Variants in CEP152 observed in about 807,000 individuals in gnomAD.
CEP152 encodes centrosomal protein of 152 kDa.
A neutral mutation model predicts 188.9 loss-of-function variants in CEP152; 132 were observed. The ratio of observed to expected loss-of-function variants is 0.70; its 90% CI spans 0.61 to 0.81. CEP152 has a LOEUF of 0.81. CEP152 is among the 30% of genes least tolerant of loss of function. CEP152 has a pLI of 0.00. For missense variants in CEP152, 1,914 were observed against 1,969.8 expected, an observed-to-expected ratio of 0.97 and a Z score of 0.54; for synonymous variants, 649 against 666.6, an observed-to-expected ratio of 0.97 and a Z score of 0.41.
Position 48,738,214 on chromosome 15 carries a change from T to TA in CEP152, c.*34dup, listed in dbSNP as rs1566970377. ...AGGTCTTCCCTTCCATTTTTGTTAATATATTAATGATTCTTCTTAAATACT... is the reference window on the plus strand; with the variant it reads ...AGGTCTTCCCTTCCATTTTTGTTAATAATATTAATGATTCTTCTTAAATACT... On this transcript the variant is annotated 3_prime_UTR_variant, in exon 27 of 27. Transcript: ENST00000380950. 1 of 1,563,656 alleles carries TA rather than the reference T, an allele frequency of 6.4e-7. No individual in the cohort carries two copies. The highest frequency in any genetic ancestry group is 2.4e-5 in the East Asian group (1 of 42,528).
At chr15:48,771,107 T>G (rs188089177) in intron 13 of CEP152, among the ~76,000 whole-genome samples, 1 of 152,156 alleles carries the variant, frequency 6.6e-6, no homozygotes, top group Non-Finnish European at 1.5e-5. Context: ...ATTGGGAGTA[T>G]AGATGGCTGA....
intron 18 of CEP152, among the ~76,000 whole-genome samples, chr15:48,761,532 T>C (rs1894689390): frequency 6.6e-6 from 1 of 152,240 alleles, no homozygotes; most frequent in Non-Finnish European, 1.5e-5. Flanking sequence ...ATCTGTTTTA[T>C]TGCTGTTCTC....
intron 9 of CEP152, among the ~76,000 whole-genome samples, chr15:48,785,011 C>A (rs1388136897): frequency 6.6e-6 from 1 of 152,046 alleles, no homozygotes; most frequent in Non-Finnish European, 1.5e-5. Context: ...ATGGGAGAGG[C>A]AGAGGAATGA....
At chr15:48,746,814 G>C (rs1201231383) in intron 22 of CEP152, among the ~76,000 whole-genome samples, 4 of 152,208 alleles carry the variant, frequency 2.6e-5, no homozygotes, top group African/African-American at 9.6e-5. Context: ...GAACTATGGG[G>C]AGTGTATAAC....
Position 48,772,596 on chromosome 15 carries a change from G to A in CEP152, c.1673C>T (p.Ser558Leu), listed in dbSNP as rs1329824073. ...AEVQRLLGSNSMKRHLVSQLQ... is the reference protein window; with the variant it reads ...AEVQRLLGSNLMKRHLVSQLQ... Reference sequence around the variant, plus strand: ...CTGAGACACCAGATGACGCTTCATTGAGTTGCTACCCAGCAAACGCTGTAC... The same window carrying A: ...CTGAGACACCAGATGACGCTTCATTAAGTTGCTACCCAGCAAACGCTGTAC... Residue 558 changes from serine (S) to leucine (L), a missense_variant, in exon 13 of 27, where the codon TCA (serine) becomes TTA (leucine). By Grantham distance (145) the Ser-to-Leu change is moderately radical. Transcript: ENST00000380950. 4 of 1,613,866 alleles carry A rather than the reference G, an allele frequency of 2.5e-6. No homozygotes were observed. In the African/African-American group the frequency reaches 4.0e-5, roughly 16 times the overall value.
intron 2 of CEP152, among the ~76,000 whole-genome samples, chr15:48,799,469 G>C (rs1451529588): frequency 1.3e-5 from 2 of 151,952 alleles, no homozygotes; most frequent in South Asian, 2.1e-4. Flanking sequence ...CATATTCACT[G>C]GATGGGTTTT....
intron 6 of CEP152, among the ~76,000 whole-genome samples, chr15:48,795,722 C>A (rs890660622): frequency 5.3e-5 from 8 of 152,102 alleles, no homozygotes; most frequent in Non-Finnish European, 1.0e-4. Context: ...ACCCATCTCC[C>A]AGATTCAACA....
chr15:48,748,513 T>A lies in CEP152; in HGVS notation c.3564A>T (p.Lys1188Asn). The A allele has an allele frequency of 6.5e-7, 1 of 1,535,152 alleles. No homozygotes were observed. Among genetic ancestry groups the A allele is most frequent in the Non-Finnish European group, 8.7e-7 (1 of 1,146,372 alleles). ...AKQECQDLKG[K>N]LEKCCRHLQH... is the part of the protein sequence containing the mutation. ...GAAGATGCCTACAGCATTTCTCCAG[T>A]TTTCCTTTCAGATCTTGACATTCCT... is the stretch of plus-strand genomic sequence containing the variant. Residue 1188 changes from lysine to asparagine, a missense_variant, in exon 22 of 27, where the codon AAA becomes AAT. Coordinates refer to ENST00000380950, the MANE Select transcript of CEP152 (RefSeq NM_001194998.2).
chr15:48,807,401 A>G (rs1218272604), intron 1 of CEP152, among the ~76,000 whole-genome samples: 2 of 152,154 alleles, frequency 1.3e-5, no homozygotes, highest in African/African-American at 2.4e-5. Context: ...TACTAGCCCA[A>G]TTAAATCCTA....
At chr15:48,767,926 TATAAAGA>T (rs1895240687) in intron 15 of CEP152, among the ~76,000 whole-genome samples, 1 of 152,202 alleles carries the variant, frequency 6.6e-6, no homozygotes. Flanking sequence ...CTTTTTTCTT[TATAAAGA>T]ATAGTTTCCC....
intron 1 of CEP152, among the ~76,000 whole-genome samples, chr15:48,806,857 T>C (rs1898014642): frequency 6.6e-6 from 1 of 152,212 alleles, no homozygotes; most frequent in African/African-American, 2.4e-5. Flanking sequence ...ATAACATTAA[T>C]TTTAGGACGC....
chr15:48,787,163 G>GTATTTTTTTTT (rs1896697901), intron 9 of CEP152, among the ~76,000 whole-genome samples: 1 of 101,500 alleles, frequency 9.9e-6, no homozygotes, highest in Non-Finnish European at 1.9e-5. Flanking sequence ...TATAGCCTTC[G>GTATTTTTTTTT]TTTTTTTTTT....
chr15:48,757,197 G>GCC (rs1387251423), intron 19 of CEP152, among the ~76,000 whole-genome samples: 1 of 152,160 alleles, frequency 6.6e-6, no homozygotes, highest in Non-Finnish European at 1.5e-5. Context: ...TGCAGAGGAA[G>GCC]CCTAGCACAG....
intron 5 of CEP152, 127 bp from the exon 6 acceptor site, chr15:48,796,287 T>C (rs1234583743): frequency 2.0e-5 from 14 of 692,464 alleles, no homozygotes; most frequent in African/African-American, 1.2e-4. Flanking sequence ...TGTTTATATA[T>C]ATACACACAC....
chr15:48,804,083 A>G (rs1026293496), intron 2 of CEP152, among the ~76,000 whole-genome samples: 2 of 152,230 alleles, frequency 1.3e-5, no homozygotes, highest in African/African-American at 4.8e-5. Context: ...GGCAGGTCTG[A>G]GTGCATAAGC....
chr15:48,797,560 C>A lies in CEP152; in HGVS notation c.281G>T (p.Ser94Ile), dbSNP rs761737726. Reference sequence around the variant, plus strand: ...ACCACATTTTTCTCCAGCATATAAACTCTGAATTTCATTATAGCCCTATTA... The same window carrying A: ...ACCACATTTTTCTCCAGCATATAAAATCTGAATTTCATTATAGCCCTATTA... ...QSVNGYNEIQ[S>I]LYAGEKCGNV... Residue 94 changes from serine to isoleucine, a missense_variant, in exon 5 of 27, where the codon AGT becomes ATT. Coordinates refer to ENST00000380950, the MANE Select transcript of CEP152 (RefSeq NM_001194998.2). The A allele has an allele frequency of 6.2e-7, 1 of 1,614,068 alleles. No homozygotes were observed. Among genetic ancestry groups the A allele is most frequent in the South Asian group, 1.1e-5 (1 of 91,084 alleles).
intron 8 of CEP152, among the ~76,000 whole-genome samples, chr15:48,790,950 T>G (rs1219700450): frequency 6.6e-6 from 1 of 152,204 alleles, no homozygotes; most frequent in African/African-American, 2.4e-5. Context: ...TTATGACTAT[T>G]TCCAAAAATC....
intron 12 of CEP152, among the ~76,000 whole-genome samples, chr15:48,780,396 T>C (rs544159794): frequency 2.0e-5 from 3 of 152,316 alleles, no homozygotes; most frequent in East Asian, 3.9e-4. Context: ...TCTCAAAATA[T>C]GTAACTTCTA....
intron 26 of CEP152, among the ~76,000 whole-genome samples, chr15:48,740,217 T>C (rs1362061772): frequency 6.6e-6 from 1 of 152,236 alleles, no homozygotes; most frequent in Non-Finnish European, 1.5e-5. Context: ...ATTATCATTA[T>C]GAACTATCAG....
Sources: allele counts gnomAD v4.1 joint callset (sites outside exome capture counted in the v4.1 genomes callset), GRCh38; gene constraint gnomAD v4.1.1; transcripts MANE v1.5; gene names NCBI Gene and HGNC (gene_info 2026-07-23, HGNC 2026-07-21).